The following COL15A1 variants were observed in gnomAD, a reference collection of about 807,000 sequenced individuals.
The protein encoded by COL15A1 is collagen alpha-1(XV) chain.
A neutral mutation model predicts 165.9 loss-of-function variants in COL15A1; 111 were observed. That is an observed-to-expected ratio of 0.67 (90% CI 0.57 to 0.78). The LOEUF (loss-of-function observed/expected upper bound fraction) is 0.78. COL15A1 is among the 30% of genes least tolerant of loss of function. COL15A1 has a pLI of 0.00. For synonymous variants in COL15A1, 659 were observed against 674.8 expected (o/e 0.98, Z 0.36); for missense variants, 1,745 against 1,789.7 (o/e 0.98, Z 0.45).
chr9:99,005,173 A>C, intron 9 of COL15A1, 123 bp downstream of exon 9: 2 of 1,018,484 alleles, frequency 2.0e-6, no homozygotes, highest in Admixed American at 3.0e-5. Flanking sequence ...CTCTGACCAA[A>C]TACTCACTTG....
chr9:99,023,696 C>G (rs1274311477), intron 14 of COL15A1, among the ~76,000 whole-genome samples: 2 of 152,196 alleles, frequency 1.3e-5, no homozygotes, highest in Non-Finnish European at 2.9e-5. Flanking sequence ...CCTCACCCCA[C>G]CTTCTTCCTT....
At chr9:99,008,270 G>A (rs533765200) in intron 9 of COL15A1, among the ~76,000 whole-genome samples, 19 of 152,130 alleles carry the variant, frequency 1.2e-4, no homozygotes, top group Non-Finnish European at 2.6e-4. Context: ...GGGGCTCCTG[G>A]ACCTGTCAGA....
chr9:98,944,057 G>T lies in COL15A1; in HGVS notation c.-5G>T. The stretch of plus-strand genomic sequence containing the variant: ...GCGCCTTCCGGGGCTCCGCAGACCC[G>T]CGAGATGGCACCAAGGTAAGACCCG... On this transcript the variant is annotated 5_prime_UTR_variant, in exon 1 of 42. Transcript: ENST00000375001. The T allele has an allele frequency of 6.2e-7, 1 of 1,614,042 alleles. No individual in the cohort carries two copies. The highest frequency in any genetic ancestry group is 2.2e-5 in the East Asian group (1 of 44,874).
At chr9:98,971,906 G>C (rs1838062895) in intron 2 of COL15A1, among the ~76,000 whole-genome samples, 1 of 152,194 alleles carries the variant, frequency 6.6e-6, no homozygotes, top group Non-Finnish European at 1.5e-5. Context: ...TATCCGCTGG[G>C]CCTGTTCATC....
In COL15A1 at chr9:99,000,945, A is replaced by G; in HGVS notation, c.1059A>G (p.Glu353=). Reference sequence around the variant, plus strand: ...CTGGGGCCTTCCTTGACATTGCTGAAGAAAAGGTGAGTAGATGGTAAATTT... The same window carrying G: ...CTGGGGCCTTCCTTGACATTGCTGAGGAAAAGGTGAGTAGATGGTAAATTT... ...SGAGAFLDIA[E]EKNLAATAAG... Residue 353 remains glutamate, a synonymous_variant, in exon 7 of 42, where the codon GAA becomes GAG. Coordinates refer to ENST00000375001, the MANE Select transcript of COL15A1 (RefSeq NM_001855.5). The G allele has an allele frequency of 7.1e-7, 1 of 1,410,572 alleles. No homozygotes were observed. The highest frequency in any genetic ancestry group is 1.0e-6 in the Non-Finnish European group (1 of 993,814). The allele number at this position is 1,410,572 out of a possible 1,614,324, so 87.4% of individuals were successfully genotyped here.
At chr9:99,040,848 G>A (rs1839390487) in intron 23 of COL15A1, 1 of 447,790 alleles carries the variant, frequency 2.2e-6, no homozygotes, top group African/African-American at 2.0e-5. Context: ...ATTTTCTAAA[G>A]GCACATATCA....
At chr9:98,987,180 C>A in intron 3 of COL15A1, 114 bp from the exon 4 acceptor site, 2 of 1,013,512 alleles carry the variant, frequency 2.0e-6, no homozygotes, top group Non-Finnish European at 3.0e-6. Flanking sequence ...GCTGTACATC[C>A]TCATTCCCAC....
At chr9:99,006,622 T>C (rs929788430) in intron 9 of COL15A1, among the ~76,000 whole-genome samples, 1 of 150,466 alleles carries the variant, frequency 6.6e-6, no homozygotes, top group Non-Finnish European at 1.5e-5. Context: ...TGTCTCCTTC[T>C]CCTTCTTCTT....
At chr9:99,025,777 ACCTGACATGAGGC>A in intron 15 of COL15A1, 114 bp from the exon 16 acceptor site, 1 of 923,934 alleles carries the variant, frequency 1.1e-6, no homozygotes, top group African/African-American at 1.6e-5. Context: ...CCTGCCTTGC[ACCTGACATGAGGC>A]CCTGGGCCCA....
At chr9:99,013,332 G>A (rs1286062436) in intron 9 of COL15A1, among the ~76,000 whole-genome samples, 1 of 152,082 alleles carries the variant, frequency 6.6e-6, no homozygotes, top group Non-Finnish European at 1.5e-5. Context: ...AGTCACCCAG[G>A]GGCACCTTTC....
At chr9:99,023,544 A>G in intron 14 of COL15A1, 95 bp downstream of exon 14, 1 of 655,406 alleles carries the variant, frequency 1.5e-6, no homozygotes, top group East Asian at 2.6e-5. Flanking sequence ...ATGAAACTGG[A>G]TTGGCTGCTG....
At chr9:99,040,943 T>C in intron 23 of COL15A1, 3 of 204,190 alleles carry the variant, frequency 1.5e-5, no homozygotes, top group Non-Finnish European at 3.1e-5. Flanking sequence ...TGACCATGAC[T>C]CTGACCATGA....
At chr9:99,031,192 C>T (rs1157311876) in intron 16 of COL15A1, among the ~76,000 whole-genome samples, 1 of 152,198 alleles carries the variant, frequency 6.6e-6, no homozygotes, top group Non-Finnish European at 1.5e-5. Context: ...AATTCCTTGC[C>T]ACTCCAGCCT....
At chr9:99,037,694 G>A (rs904975865) in intron 21 of COL15A1, among the ~76,000 whole-genome samples, 2 of 152,206 alleles carry the variant, frequency 1.3e-5, no homozygotes, top group Non-Finnish European at 2.9e-5. Context: ...CATAAAGAGG[G>A]GAACAAGGGA....
chr9:98,944,279 G>A, intron 2 of COL15A1, 29 bp downstream of exon 2: 2 of 1,604,556 alleles, frequency 1.2e-6, no homozygotes, highest in Non-Finnish European at 1.7e-6. Context: ...GGGTGGCACC[G>A]GCTGCCTCCG....
chr9:99,047,724 C>T, intron 26 of COL15A1, 62 bp from the exon 27 acceptor site: 1 of 1,574,146 alleles, frequency 6.4e-7, no homozygotes, highest in Non-Finnish European at 8.7e-7. Flanking sequence ...GGCTTGCACT[C>T]CTCATTTCCC....
At chr9:98,994,057 C>G (rs751079206) in intron 5 of COL15A1, among the ~76,000 whole-genome samples, 6 of 150,172 alleles carry the variant, frequency 4.0e-5, no homozygotes, top group Non-Finnish European at 7.4e-5. Context: ...AATTAACATC[C>G]CTGTGGTTCT....
chr9:99,013,187 C>A (rs1838874226), intron 9 of COL15A1, among the ~76,000 whole-genome samples: 4 of 151,962 alleles, frequency 2.6e-5, no homozygotes, highest in Admixed American at 2.6e-4. Context: ...GGCTCAAAAT[C>A]AAAATGCAGG....
chr9:98,959,623 C>T (rs1837836107), intron 2 of COL15A1, among the ~76,000 whole-genome samples: 1 of 152,112 alleles, frequency 6.6e-6, no homozygotes, highest in Admixed American at 6.5e-5. Context: ...AATTCTGCCC[C>T]TGCAATGTCT....
Sources: gnomAD v4.1 joint callset for allele counts (sites outside exome capture counted in the v4.1 genomes callset) on GRCh38, gnomAD v4.1.1 for gene constraint, MANE v1.5 for transcripts, NCBI Gene and HGNC (gene_info 2026-07-23, HGNC 2026-07-21) for gene names.